The following COLGALT2 variants were observed in gnomAD, a reference collection of about 807,000 sequenced individuals.
COLGALT2 encodes the protein procollagen galactosyltransferase 2.
A neutral mutation model predicts 73.4 loss-of-function variants in COLGALT2; 49 were observed. The ratio of observed to expected loss-of-function variants is 0.67; its 90% CI spans 0.53 to 0.85. The LOEUF is 0.85. COLGALT2 is among the 40% of genes least tolerant of loss of function. The pLI, the probability that COLGALT2 is intolerant of heterozygous loss-of-function variation, is 0.00. For synonymous variants in COLGALT2, 295 were observed against 307.6 expected (o/e 0.96, Z 0.43); for missense variants, 722 against 790.2 (o/e 0.91, Z 1.03).
At position 183,978,446 on chromosome 1, in the gene COLGALT2, T is replaced by C. The variant is rs752530413; in HGVS notation, c.338A>G (p.Tyr113Cys). The C allele has an allele frequency of 1.2e-6, 2 of 1,612,172 alleles. No homozygotes were observed. Residue 113 changes from tyrosine (Y) to cysteine (C), a missense_variant, in exon 2 of 12, where the codon TAT (tyrosine) becomes TGT (cysteine). By Grantham distance (194) the Tyr-to-Cys change is radical (BLOSUM62 -2). Transcript: ENST00000361927. ...CATAGGCCTCCACTCCACATAGTGA[T>C]AGAGTCTCTGTACATTTTTCAACCA... ...REWLKNVQRL[Y>C]HYVEWRPMDE...
intron 4 of COLGALT2, among the ~76,000 whole-genome samples, chr1:183,972,117 CCTCTTTTTTTGAG>C (rs1486696836): frequency 6.6e-6 from 1 of 152,100 alleles, no homozygotes; most frequent in East Asian, 1.9e-4. Context: ...GAACATACTC[CCTCTTTTTTTGAG>C]ACAGGGTCTC....
Position 183,940,710 on chromosome 1 carries a change from T to C in COLGALT2, c.1475A>G (p.Asp492Gly), listed in dbSNP as rs369540137. 26 of 1,614,114 alleles carry C rather than the reference T, an allele frequency of 1.6e-5. No individual in the cohort carries two copies. The African/African-American group carries it at 3.3e-4, about 21-fold the overall frequency. ...GTAGCCCAGGGTCCAGTAGGAATAG[T>C]CGGCTTCGACCAGGTTTGCCACATT... is the stretch of plus-strand genomic sequence containing the variant. ...VPNVANLVEA[D>G]YSYWTLGYVI... Residue 492 changes from aspartate (D) to glycine (G), a missense_variant, in exon 11 of 12, where the codon GAC (aspartate) becomes GGC (glycine). Coordinates refer to ENST00000361927, the MANE Select transcript of COLGALT2 (RefSeq NM_015101.4).
chr1:184,026,217 G>A (rs373133764), intron 1 of COLGALT2, among the ~76,000 whole-genome samples: 9 of 152,172 alleles, frequency 5.9e-5, no homozygotes, highest in African/African-American at 2.2e-4. Context: ...AACTGTCCTG[G>A]AGACCCCACT....
intron 6 of COLGALT2, among the ~76,000 whole-genome samples, chr1:183,959,541 T>A (rs1180663444): frequency 6.6e-6 from 1 of 152,092 alleles, no homozygotes; most frequent in African/African-American, 2.4e-5. Flanking sequence ...GTCCTGTTGC[T>A]CCACCACCAA....
chr1:183,959,351 T>C (rs1385689048), intron 6 of COLGALT2, among the ~76,000 whole-genome samples: 1 of 152,216 alleles, frequency 6.6e-6, no homozygotes, highest in Non-Finnish European at 1.5e-5. Context: ...AACTATCTTC[T>C]GCCTTTCTAT....
chr1:183,992,570 T>C (rs1336427403), intron 1 of COLGALT2, among the ~76,000 whole-genome samples: 3 of 152,226 alleles, frequency 2.0e-5, no homozygotes, highest in Non-Finnish European at 4.4e-5. Context: ...CTAATGATGA[T>C]TGATTGACTG....
chr1:183,937,130 T>C lies in COLGALT2; in HGVS notation c.*1631A>G. On this transcript the variant is annotated 3_prime_UTR_variant, in exon 12 of 12. Coordinates refer to ENST00000361927, the MANE Select transcript of COLGALT2 (RefSeq NM_015101.4). ...TACACTCGTACACTAAGCTTGTGTA[T>C]GTAGCACCACCCGCCTGTGGACTCT... 8.1e-7 allele frequency: 1 copy of C among 1,229,932 alleles called. No homozygotes were observed. The highest frequency in any genetic ancestry group is 1.5e-5 in the African/African-American group (1 of 64,528). 76.2% of individuals were successfully genotyped at this position (1,229,932 alleles called of 1,614,324 possible).
At position 183,937,542 on chromosome 1, in the gene COLGALT2, T is replaced by C; in HGVS notation, c.*1219A>G. 1 of 985,414 alleles carries C rather than the reference T, an allele frequency of 1.0e-6. No homozygotes were observed. The highest frequency in any genetic ancestry group is 1.7e-5 in the African/African-American group (1 of 57,334). The allele number at this position is 985,414 out of a possible 1,614,324, so 61.0% of individuals were successfully genotyped here. On this transcript the variant is annotated 3_prime_UTR_variant, in exon 12 of 12. Transcript: ENST00000361927. ...AATCAGGTGACCAGCCCTTTGTTTC[T>C]GACCAGGTTTCTCACCTGAGATAGA...
At chr1:183,983,713 G>A (rs928129618) in intron 1 of COLGALT2, among the ~76,000 whole-genome samples, 7 of 152,202 alleles carry the variant, frequency 4.6e-5, no homozygotes, top group African/African-American at 1.7e-4. Context: ...CCCAGAATGT[G>A]TGAGGCCCCT....
At chr1:183,983,474 C>T (rs1337416240) in intron 1 of COLGALT2, among the ~76,000 whole-genome samples, 1 of 152,212 alleles carries the variant, frequency 6.6e-6, no homozygotes, top group Non-Finnish European at 1.5e-5. Context: ...ATGAAAGCAA[C>T]ACAGGCCCTG....
At chr1:184,019,659 C>T (rs927207451) in intron 1 of COLGALT2, among the ~76,000 whole-genome samples, 2 of 152,166 alleles carry the variant, frequency 1.3e-5, no homozygotes, top group African/African-American at 4.8e-5. Flanking sequence ...AACTTAAGTA[C>T]AAACTGAAGC....
intron 6 of COLGALT2, among the ~76,000 whole-genome samples, chr1:183,958,384 C>T (rs1310892701): frequency 1.3e-5 from 2 of 152,160 alleles, no homozygotes; most frequent in Non-Finnish European, 2.9e-5. Flanking sequence ...GAGAAACATA[C>T]ACAATTGTGT....
intron 1 of COLGALT2, among the ~76,000 whole-genome samples, chr1:184,030,084 CT>C (rs1197516679): frequency 2.0e-5 from 3 of 152,114 alleles, no homozygotes; most frequent in African/African-American, 7.2e-5. Context: ...CCCAATCATA[CT>C]TTTTTTATTA....
chr1:184,021,398 A>G (rs544517558), intron 1 of COLGALT2, among the ~76,000 whole-genome samples: 1 of 152,280 alleles, frequency 6.6e-6, no homozygotes, highest in African/African-American at 2.4e-5. Context: ...GGTAAGTGGG[A>G]CTTGAGCTCT....
intron 1 of COLGALT2, among the ~76,000 whole-genome samples, chr1:184,036,469 G>A (rs1649679901): frequency 6.6e-6 from 1 of 152,214 alleles, no homozygotes; most frequent in Non-Finnish European, 1.5e-5. Context: ...AGGAGACCAG[G>A]CCCACGGTGG....
At chr1:184,008,940 G>C (rs1462591816) in intron 1 of COLGALT2, among the ~76,000 whole-genome samples, 1 of 152,068 alleles carries the variant, frequency 6.6e-6, no homozygotes, top group East Asian at 1.9e-4. Context: ...CAAAATGTTG[G>C]TATATGAGAG....
In COLGALT2 at chr1:183,936,632, A is replaced by G; in HGVS notation, c.*2129T>C. 3.3e-6 allele frequency: 4 copies of G among 1,212,166 alleles called. No individual in the cohort carries two copies. The highest frequency in any genetic ancestry group is 4.1e-6 in the Non-Finnish European group (4 of 976,366). The allele number at this position is 1,212,166 out of a possible 1,614,324, so 75.1% of individuals were successfully genotyped here. ...CCCCATTAAAAAAGTCATTAAAGTC[A>G]TGCACACATGCACACACTCAAATAT... On this transcript the variant is annotated 3_prime_UTR_variant, in exon 12 of 12. Transcript: ENST00000361927.
intron 6 of COLGALT2, among the ~76,000 whole-genome samples, chr1:183,955,681 T>C (rs531988256): frequency 1.2e-4 from 18 of 148,322 alleles, no homozygotes; most frequent in Non-Finnish European, 2.5e-4. Flanking sequence ...TTATAAAAAT[T>C]CAAAGTCCTC....
chr1:183,989,354 C>T (rs1349731580), intron 1 of COLGALT2, among the ~76,000 whole-genome samples: 1 of 152,188 alleles, frequency 6.6e-6, no homozygotes, highest in Non-Finnish European at 1.5e-5. Context: ...GGCAATGCTA[C>T]AGCAAAACAT....
Sources: allele counts gnomAD v4.1 joint callset (sites outside exome capture counted in the v4.1 genomes callset), GRCh38; gene constraint gnomAD v4.1.1; transcripts MANE v1.5; gene names NCBI Gene and HGNC (gene_info 2026-07-23, HGNC 2026-07-21).